Variants in TBC1D23 observed in about 807,000 individuals in gnomAD.
TBC1D23 encodes TBC1 domain family member 23.
Under a neutral mutation model 91.4 loss-of-function variants are expected in TBC1D23, and 55 were observed. The ratio of observed to expected loss-of-function variants is 0.60; its 90% confidence interval spans 0.48 to 0.75. The LOEUF (loss-of-function observed/expected upper bound fraction) is 0.75. Among genes scored for constraint, TBC1D23 ranks in the 30% least tolerant of loss-of-function variants. The pLI is 0.00. For synonymous variants in TBC1D23, 289 were observed against 281.0 expected, an observed-to-expected ratio of 1.03 and a Z score of -0.28; for missense variants, 725 against 836.1, an observed-to-expected ratio of 0.87 and a Z score of 1.64.
At chr3:100,282,554 A>G (rs893470095) in intron 3 of TBC1D23, among the ~76,000 whole-genome samples, 1 of 152,216 alleles carries the variant, frequency 6.6e-6, no homozygotes, top group Non-Finnish European at 1.5e-5. Context: ...CAGTCACCCC[A>G]CAACATCTAT....
intron 1 of TBC1D23, among the ~76,000 whole-genome samples, chr3:100,265,364 T>G (rs1295152264): frequency 1.3e-5 from 2 of 152,224 alleles, no homozygotes; most frequent in Non-Finnish European, 2.9e-5. Flanking sequence ...GCCTCAGCTT[T>G]CAAGCTCCCT....
intron 1 of TBC1D23, among the ~76,000 whole-genome samples, chr3:100,266,256 T>C (rs2067556612): frequency 1.3e-5 from 2 of 152,146 alleles, no homozygotes; most frequent in Non-Finnish European, 2.9e-5. Flanking sequence ...AATTTAGATT[T>C]TAGAGTTTTT....
At chr3:100,310,611 GTAAA>G in intron 14 of TBC1D23, 69 bp downstream of exon 14, 1 of 1,183,860 alleles carries the variant, frequency 8.4e-7, no homozygotes, top group Non-Finnish European at 1.2e-6. Flanking sequence ...CTTAGAGTAA[GTAAA>G]TGTTAGTTGA....
chr3:100,261,905 T>A (rs2067514141), intron 1 of TBC1D23, among the ~76,000 whole-genome samples: 1 of 152,256 alleles, frequency 6.6e-6, no homozygotes, highest in Non-Finnish European at 1.5e-5. Flanking sequence ...AATTTTACAG[T>A]TGATCTAAGT....
intron 18 of TBC1D23, among the ~76,000 whole-genome samples, chr3:100,321,731 T>C (rs1297655595): frequency 6.6e-6 from 1 of 152,188 alleles, no homozygotes; most frequent in Non-Finnish European, 1.5e-5. Context: ...AAGAGGAAAT[T>C]ATTCAGCTTC....
At chr3:100,276,540 A>G (rs2067650424) in intron 1 of TBC1D23, among the ~76,000 whole-genome samples, 1 of 152,216 alleles carries the variant, frequency 6.6e-6, no homozygotes, top group South Asian at 2.1e-4. Flanking sequence ...ATGCTTCCAT[A>G]TGTTATTCAC....
chr3:100,306,069 T>C (rs1037386647), intron 12 of TBC1D23, among the ~76,000 whole-genome samples: 1 of 152,230 alleles, frequency 6.6e-6, no homozygotes, highest in Non-Finnish European at 1.5e-5. Context: ...CTCCTTATGG[T>C]ATAACAAAAG....
Position 100,323,729 on chromosome 3 carries a change from T to C in TBC1D23, c.*61T>C. The stretch of plus-strand genomic sequence containing the variant: ...ACCAAGAGAAACATGGACATATACC[T>C]CCTGACTGAATACTAACTGGAGACC... On this transcript the variant is annotated 3_prime_UTR_variant, in exon 19 of 19. Transcript: ENST00000394144. The C allele has an allele frequency of 1.3e-6, 1 of 779,698 alleles. No homozygotes were observed. Among genetic ancestry groups the C allele is most frequent in the Non-Finnish European group, 1.8e-6 (1 of 541,458 alleles). The allele number at this position is 779,698 out of a possible 1,614,324, so 48.3% of individuals were successfully genotyped here.
intron 15 of TBC1D23, among the ~76,000 whole-genome samples, chr3:100,314,025 A>G (rs1246523852): frequency 6.6e-6 from 1 of 151,210 alleles, no homozygotes; most frequent in African/African-American, 2.4e-5. Context: ...TATACACTAA[A>G]CTCTCATTAT....
chr3:100,311,100 T>C (rs1324607931), intron 14 of TBC1D23, among the ~76,000 whole-genome samples: 1 of 152,232 alleles, frequency 6.6e-6, no homozygotes. Flanking sequence ...TTATTGTAAC[T>C]GAGGATACAT....
intron 2 of TBC1D23, among the ~76,000 whole-genome samples, chr3:100,280,648 A>G (rs982512831): frequency 1.1e-4 from 17 of 152,218 alleles, no homozygotes; most frequent in Admixed American, 3.9e-4. Flanking sequence ...AACTGTACAC[A>G]GCATTCTGAG....
rs1230581453 is a variant in TBC1D23, at chr3:100,320,956, T to C, written c.2003T>C (p.Ile668Thr). ...YGNSSASGIE[I>T]LAIERYLIPN... Reference sequence around the variant, plus strand: ...AATAGCAGTGCTTCAGGAATAGAAATCTTGGCAATCGAAAGGTAAGATTTT... The same window carrying C: ...AATAGCAGTGCTTCAGGAATAGAAACCTTGGCAATCGAAAGGTAAGATTTT... The change falls in exon 18 of 19, where the codon ATC (isoleucine) becomes ACC (threonine). Residue 668 changes from isoleucine (I) to threonine (T), a missense_variant. Physicochemically the swap from Ile to Thr is moderately conservative, Grantham distance 89 (BLOSUM62 -1). Coordinates refer to ENST00000394144, the MANE Select transcript of TBC1D23 (RefSeq NM_001199198.3). 6.3e-7 allele frequency: 1 copy of C among 1,594,438 alleles called. No individual in the cohort carries two copies. The highest frequency in any genetic ancestry group is 1.4e-5 in the African/African-American group (1 of 73,664).
intron 15 of TBC1D23, among the ~76,000 whole-genome samples, chr3:100,312,474 C>G (rs1274857619): frequency 6.6e-6 from 1 of 151,974 alleles, no homozygotes. Context: ...TAGTTGATTA[C>G]TTTAATGTAT....
At chr3:100,295,728 A>T (rs1305893837) in intron 7 of TBC1D23, among the ~76,000 whole-genome samples, 1 of 152,120 alleles carries the variant, frequency 6.6e-6, no homozygotes, top group Non-Finnish European at 1.5e-5. Flanking sequence ...CATATCCCCC[A>T]CATAGAGATA....
chr3:100,269,589 A>G (rs1023830701), intron 1 of TBC1D23, among the ~76,000 whole-genome samples: 1 of 152,246 alleles, frequency 6.6e-6, no homozygotes, highest in Admixed American at 6.5e-5. Context: ...TGCACAAGAC[A>G]TACTGTGGTC....
At position 100,290,663 on chromosome 3, in the gene TBC1D23, A is replaced by G; in HGVS notation, c.562A>G (p.Thr188Ala). 6.2e-7 allele frequency: 1 copy of G among 1,613,342 alleles called. No individual in the cohort carries two copies. ...HEPELCSYLDTKKITPDSYAL... is the reference protein window; with the variant it reads ...HEPELCSYLDAKKITPDSYAL... ...GCCTGAGCTTTGTTCTTATCTTGAT[A>G]CAAAGAAAATTACTCCAGACTCCTA... Residue 188 changes from threonine (T) to alanine (A), a missense_variant, in exon 5 of 19, where the codon ACA becomes GCA. Coordinates refer to ENST00000394144, the MANE Select transcript of TBC1D23 (RefSeq NM_001199198.3).
At chr3:100,293,766 C>G (rs577162469) in intron 5 of TBC1D23, among the ~76,000 whole-genome samples, 1 of 152,078 alleles carries the variant, frequency 6.6e-6, no homozygotes, top group African/African-American at 2.4e-5. Flanking sequence ...CTCACTAGCT[C>G]TGTGAGCTTG....
At chr3:100,293,685 G>C (rs543293273) in intron 5 of TBC1D23, among the ~76,000 whole-genome samples, 42 of 152,220 alleles carry the variant, frequency 2.8e-4, no homozygotes, top group African/African-American at 9.9e-4. Flanking sequence ...TATTTTAAAA[G>C]CCTTGTGGTC....
At chr3:100,290,836 A>G in intron 5 of TBC1D23, 135 bp downstream of exon 5, 1 of 652,586 alleles carries the variant, frequency 1.5e-6, no homozygotes. Flanking sequence ...AAAGGGGTAA[A>G]ATTATTGGCA....
Sources: allele counts gnomAD v4.1 joint callset (sites outside exome capture counted in the v4.1 genomes callset), GRCh38; gene constraint gnomAD v4.1.1; transcripts MANE v1.5; gene names NCBI Gene and HGNC (gene_info 2026-07-23, HGNC 2026-07-21).